RAD18: variants seen among roughly 807,000 people sequenced by gnomAD.
RAD18 encodes E3 ubiquitin-protein ligase RAD18.
A neutral mutation model predicts 60.4 loss-of-function variants in RAD18; 47 were observed. That is an observed-to-expected ratio of 0.78 (90% CI 0.62 to 0.99). The LOEUF is 0.99. Among genes scored for constraint, RAD18 ranks in the 50% least tolerant of loss-of-function variants. RAD18 has a pLI of 0.00. For missense variants in RAD18, 640 were observed against 593.3 expected (o/e 1.08, Z -0.82); for synonymous variants, 225 against 195.5 (o/e 1.15, Z -1.26).
chr3:8,950,637 C>CA (rs756700038), intron 2 of RAD18, among the ~76,000 whole-genome samples: 4 of 151,968 alleles, frequency 2.6e-5, no homozygotes, highest in Non-Finnish European at 4.4e-5. Context: ...CAGTTATTAA[C>CA]AAAAAAACCA....
In RAD18 at chr3:8,883,793, A is replaced by T. The variant is rs541461011; in HGVS notation, c.1386-2334T>A. On this transcript the variant is annotated intron_variant, in intron 12 of 12. Transcript: ENST00000264926. ...GAAATCTTATTCTTCAGCTTTTACC[A>T]TTAGGCTTTTTGGTTAGCATATCAT... Among the ~76,000 whole-genome samples, 41 of 152,294 alleles carry T rather than the reference A, an allele frequency of 2.7e-4. No individual in the cohort carries two copies. The South Asian group carries it at 8.1e-3, about 30-fold the overall frequency.
At chr3:8,905,751 T>A (rs1238215711) in intron 9 of RAD18, among the ~76,000 whole-genome samples, 1 of 152,222 alleles carries the variant, frequency 6.6e-6, no homozygotes, top group African/African-American at 2.4e-5. Context: ...CTTGCACCTT[T>A]CTCTAGTAAA....
chr3:8,960,267 T>C (rs1044785147), intron 1 of RAD18, among the ~76,000 whole-genome samples: 2 of 152,142 alleles, frequency 1.3e-5, no homozygotes, highest in African/African-American at 4.8e-5. Flanking sequence ...TGATTGCCAC[T>C]GCATTCCAGT....
At chr3:8,946,982 T>G (rs1039029463) in intron 4 of RAD18, 3 of 375,394 alleles carry the variant, frequency 8.0e-6, no homozygotes, top group Non-Finnish European at 1.4e-5. Flanking sequence ...AGTAAGGAAG[T>G]CCTCAAATCT....
At chr3:8,892,664 G>A (rs1017853444) in intron 11 of RAD18, among the ~76,000 whole-genome samples, 1 of 152,142 alleles carries the variant, frequency 6.6e-6, no homozygotes, top group Non-Finnish European at 1.5e-5. Context: ...ACGGAAAGTA[G>A]CACAGCTTCT....
At chr3:8,929,702 C>T (rs1040456374) in intron 7 of RAD18, among the ~76,000 whole-genome samples, 14 of 151,048 alleles carry the variant, frequency 9.3e-5, no homozygotes, top group Non-Finnish European at 5.9e-5. Flanking sequence ...AGTGCAATGG[C>T]ACGATCTCAG....
chr3:8,881,541 ATAT>A (rs1444571782), intron 12 of RAD18, 82 bp from the exon 13 acceptor site: 3 of 1,095,164 alleles, frequency 2.7e-6, no homozygotes, highest in Admixed American at 2.1e-5. Context: ...GTTTTCACAC[ATAT>A]TATTTCATTA....
intron 2 of RAD18, among the ~76,000 whole-genome samples, chr3:8,950,663 A>G (rs1940912614): frequency 1.3e-5 from 2 of 152,244 alleles, no homozygotes; most frequent in Non-Finnish European, 1.5e-5. Flanking sequence ...AAAAACACAC[A>G]GTTTGAAGAA....
intron 5 of RAD18, among the ~76,000 whole-genome samples, chr3:8,940,221 TG>T (rs1940724101): frequency 6.6e-6 from 1 of 152,104 alleles, no homozygotes; most frequent in South Asian, 2.1e-4. Context: ...CAGGGATCTG[TG>T]GGGGTATCTC....
rs1939398734 is a variant in RAD18 at position 8,878,196 on chromosome 3, T to C, written c.*3161A>G. Reference sequence around the variant, plus strand: ...TGGACTTGTATCTGTATTCTGAATATCTGAACCTGGGGATACCCAGAAATA... The same window carrying C: ...TGGACTTGTATCTGTATTCTGAATACCTGAACCTGGGGATACCCAGAAATA... On this transcript the variant is annotated 3_prime_UTR_variant, in exon 13 of 13. Transcript: ENST00000264926. The C allele has an allele frequency of 6.6e-6, 1 of 152,136 alleles. No individual in the cohort carries two copies. Among genetic ancestry groups the C allele is most frequent in the Non-Finnish European group, 1.5e-5 (1 of 68,030 alleles). 9.4% of individuals were successfully genotyped at this position (152,136 alleles called of 1,614,324 possible). A position where few individuals can be genotyped will look rare whatever the true frequency, so the allele number is the denominator to read the frequency against.
intron 10 of RAD18, among the ~76,000 whole-genome samples, chr3:8,901,699 A>G (rs1419575363): frequency 1.3e-5 from 2 of 152,206 alleles, no homozygotes; most frequent in East Asian, 3.8e-4. Flanking sequence ...GCTGGGAATG[A>G]TGAAAATGTT....
intron 7 of RAD18, among the ~76,000 whole-genome samples, chr3:8,928,756 G>GT (rs1374014462): frequency 6.6e-6 from 1 of 152,112 alleles, no homozygotes; most frequent in East Asian, 1.9e-4. Flanking sequence ...ATACTATCAA[G>GT]TAAATTTACA....
At chr3:8,951,639 G>A (rs1033291177) in intron 2 of RAD18, among the ~76,000 whole-genome samples, 9 of 152,096 alleles carry the variant, frequency 5.9e-5, no homozygotes, top group Non-Finnish European at 1.0e-4. Context: ...AAATAATAAC[G>A]AAGTATTCAA....
intron 7 of RAD18, among the ~76,000 whole-genome samples, chr3:8,930,757 T>C (rs184543875): frequency 1.1e-4 from 16 of 152,294 alleles, no homozygotes; most frequent in East Asian, 1.9e-4. Flanking sequence ...TCACACTTAA[T>C]AGTGAAAGAC....
intron 2 of RAD18, among the ~76,000 whole-genome samples, chr3:8,953,216 A>C (rs1940954987): frequency 6.6e-6 from 1 of 150,730 alleles, no homozygotes; most frequent in Non-Finnish European, 1.5e-5. Context: ...TATAGTGTAT[A>C]CATTATTATA....
rs1317935538 is a variant in RAD18 at position 8,914,988 on chromosome 3, AATT to A, written c.890-1271_890-1269del. Among the ~76,000 whole-genome samples the A allele has an allele frequency of 1.3e-3, 194 of 150,684 alleles. 1 individual carries two copies. Among genetic ancestry groups the A allele is most frequent in the Admixed American group, 2.2e-3 (33 of 15,178 alleles). ...CCCGTCTCCACTAAAAATAAAAAAA[AATT>A]TTTTAAAATTAGCCGGGTGTGGTGG... On this transcript the variant is annotated intron_variant, in intron 7 of 12. Coordinates refer to ENST00000264926, the MANE Select transcript of RAD18 (RefSeq NM_020165.4).
intron 10 of RAD18, among the ~76,000 whole-genome samples, chr3:8,900,528 G>A (rs1490834705): frequency 6.6e-6 from 1 of 152,118 alleles, no homozygotes; most frequent in African/African-American, 2.4e-5. Context: ...TAATCTGTGG[G>A]CATAAAAAAT....
intron 7 of RAD18, among the ~76,000 whole-genome samples, chr3:8,913,951 G>A (rs1228836107): frequency 9.3e-6 from 1 of 107,162 alleles, no homozygotes; most frequent in Non-Finnish European, 2.0e-5. Flanking sequence ...GCTGTTCAAC[G>A]TATAACCACA....
intron 7 of RAD18, among the ~76,000 whole-genome samples, chr3:8,934,779 A>G (rs1199449263): frequency 6.6e-6 from 1 of 152,266 alleles, no homozygotes; most frequent in Non-Finnish European, 1.5e-5. Context: ...GATTATTTGT[A>G]GCAGCATTAT....
Sources: allele counts gnomAD v4.1 joint callset (sites outside exome capture counted in the v4.1 genomes callset), GRCh38; gene constraint gnomAD v4.1.1; transcripts MANE v1.5; gene names NCBI Gene and HGNC (gene_info 2026-07-23, HGNC 2026-07-21).